CAB39L: variants seen among roughly 807,000 people sequenced by gnomAD.
CAB39L encodes calcium binding protein 39 like, also known as calcium-binding protein 39-like.
CAB39L carries 23 observed loss-of-function variants against 39.1 expected under a neutral mutation model. That is an observed-to-expected ratio of 0.59 (90% CI 0.42 to 0.83). The LOEUF is 0.83. Ranked by LOEUF, CAB39L falls within the 40% of genes least tolerant of loss-of-function variation. The probability of loss-of-function intolerance (pLI) is 0.00; values close to 1 mark genes in which losing one functional copy is unlikely to be tolerated. For missense variants in CAB39L, 366 were observed against 391.9 expected, an observed-to-expected ratio of 0.93 and a Z score of 0.56; for synonymous variants, 126 against 137.2, an observed-to-expected ratio of 0.92 and a Z score of 0.57.
intron 10 of CAB39L, among the ~76,000 whole-genome samples, chr13:49,328,278 C>T (rs546044078): frequency 7.9e-5 from 12 of 152,290 alleles, no homozygotes; most frequent in East Asian, 1.9e-4. Context: ...TGGACATTTT[C>T]GCCAATATGA....
intron 8 of CAB39L, among the ~76,000 whole-genome samples, chr13:49,340,178 G>A (rs1024541705): frequency 7.9e-5 from 12 of 152,180 alleles, no homozygotes; most frequent in Non-Finnish European, 1.5e-4. Context: ...TAAAGAACGA[G>A]GCAACCTTTG....
intron 1 of CAB39L, among the ~76,000 whole-genome samples, chr13:49,439,437 C>T (rs1957467914): frequency 1.3e-5 from 2 of 152,192 alleles, no homozygotes; most frequent in South Asian, 4.1e-4. Flanking sequence ...TTTTTCAACA[C>T]TTATTGCATT....
chr13:49,401,823 C>T (rs1035653391), intron 3 of CAB39L, among the ~76,000 whole-genome samples: 3 of 152,074 alleles, frequency 2.0e-5, no homozygotes, highest in African/African-American at 7.2e-5. Flanking sequence ...ATAACAGATT[C>T]ACCTGCTAAT....
At chr13:49,384,732 A>G (rs888771892) in intron 3 of CAB39L, among the ~76,000 whole-genome samples, 51 of 152,114 alleles carry the variant, frequency 3.4e-4, no homozygotes, top group African/African-American at 1.2e-3. Flanking sequence ...AACAACATTA[A>G]CCTCCTTGTA....
At chr13:49,341,416 C>T (rs1955001383) in intron 8 of CAB39L, among the ~76,000 whole-genome samples, 2 of 152,076 alleles carry the variant, frequency 1.3e-5, no homozygotes, top group African/African-American at 4.8e-5. Context: ...CCACATCTGG[C>T]TAATTTTTGT....
In CAB39L at chr13:49,372,671, T is replaced by C. The variant is rs145439239; in HGVS notation, c.276+4296A>G. 2.6e-4 allele frequency among the ~76,000 whole-genome samples: 39 copies of C among 152,274 alleles called. No homozygotes were observed. In the East Asian group the frequency reaches 7.0e-3, roughly 27 times the overall value. Reference sequence around the variant, plus strand: ...CTCAACTTGTTTTTTGTTGTTGTTTTTGTTTTTGTTTTGTTTGGAGATGGA... The same window carrying C: ...CTCAACTTGTTTTTTGTTGTTGTTTCTGTTTTTGTTTTGTTTGGAGATGGA... On this transcript the variant is annotated intron_variant, in intron 5 of 10. Transcript: ENST00000409308.
intron 3 of CAB39L, among the ~76,000 whole-genome samples, chr13:49,422,982 T>G (rs1333964651): frequency 2.6e-5 from 4 of 152,186 alleles, no homozygotes; most frequent in African/African-American, 4.8e-5. Context: ...TTTTACATTC[T>G]CAGTGTACAG....
chr13:49,419,181 T>C (rs1405407949), intron 3 of CAB39L, among the ~76,000 whole-genome samples: 2 of 152,178 alleles, frequency 1.3e-5, no homozygotes, highest in African/African-American at 4.8e-5. Context: ...TTAGCCAGGC[T>C]GGTCTCGAAC....
intron 3 of CAB39L, among the ~76,000 whole-genome samples, chr13:49,392,603 TG>T (rs1287858309): frequency 2.6e-5 from 4 of 152,010 alleles, no homozygotes; most frequent in Admixed American, 2.0e-4. Context: ...ATTGTACCAC[TG>T]TACTTCCAGC....
chr13:49,418,575 T>C (rs1957121364), intron 3 of CAB39L, among the ~76,000 whole-genome samples: 1 of 152,180 alleles, frequency 6.6e-6, no homozygotes, highest in Non-Finnish European at 1.5e-5. Context: ...ATTTTGTTTA[T>C]TTATTTTTTT....
intron 3 of CAB39L, among the ~76,000 whole-genome samples, chr13:49,387,969 T>C (rs1298577947): frequency 4.6e-5 from 7 of 152,292 alleles, no homozygotes; most frequent in South Asian, 2.1e-4. Context: ...GCACTTATAA[T>C]GTACTAGGCA....
intron 3 of CAB39L, among the ~76,000 whole-genome samples, chr13:49,432,117 C>T (rs188079393): frequency 2.4e-3 from 360 of 151,760 alleles, no homozygotes; most frequent in Middle Eastern, 0.01. Context: ...TTTTATAATC[C>T]CTATTTTATT....
At chr13:49,393,339 A>T (rs894796019) in intron 3 of CAB39L, among the ~76,000 whole-genome samples, 1 of 152,096 alleles carries the variant, frequency 6.6e-6, no homozygotes, top group Non-Finnish European at 1.5e-5. Flanking sequence ...TCTGTATTTT[A>T]AAAAACTACA....
At chr13:49,363,124 T>A (rs1366899716) in intron 5 of CAB39L, among the ~76,000 whole-genome samples, 1 of 152,106 alleles carries the variant, frequency 6.6e-6, no homozygotes, top group Non-Finnish European at 1.5e-5. Context: ...AAGAAAAGGA[T>A]GTTAATGAGC....
At chr13:49,323,798 C>T (rs1405136942) in intron 10 of CAB39L, among the ~76,000 whole-genome samples, 1 of 152,176 alleles carries the variant, frequency 6.6e-6, no homozygotes, top group Non-Finnish European at 1.5e-5. Context: ...AAATGAGTCC[C>T]TCCAGGTTAG....
intron 9 of CAB39L, among the ~76,000 whole-genome samples, chr13:49,335,880 T>C (rs1281491680): frequency 6.6e-6 from 1 of 152,188 alleles, no homozygotes; most frequent in Non-Finnish European, 1.5e-5. Flanking sequence ...AGGCAGCAGG[T>C]AGCAACTACT....
At chr13:49,358,918 C>G (rs1266712309) in intron 6 of CAB39L, among the ~76,000 whole-genome samples, 1 of 151,952 alleles carries the variant, frequency 6.6e-6, no homozygotes, top group Non-Finnish European at 1.5e-5. Context: ...ATTGATATAT[C>G]TGATTTTTAA....
chr13:49,419,894 C>T (rs1028434308), intron 3 of CAB39L, among the ~76,000 whole-genome samples: 1 of 152,086 alleles, frequency 6.6e-6, no homozygotes, highest in African/African-American at 2.4e-5. Flanking sequence ...CAAGCTATCT[C>T]TAAAATCCAG....
rs955187611 is a variant in CAB39L, at chr13:49,332,154, G to A, written c.691-64C>T. On this transcript the variant is annotated intron_variant, in intron 9 of 10. Coordinates refer to ENST00000409308, the MANE Select transcript of CAB39L (RefSeq NM_001079670.3). ...CCACCTGATTCAAAATATAGCTCAC[G>A]TCTTCTCACTGAAAAACAAAATATA... The A allele has an allele frequency of 2.1e-5, 33 of 1,553,830 alleles. No homozygotes were observed. The African/African-American group carries it at 2.8e-4, about 13-fold the overall frequency.
Sources: gnomAD v4.1 joint callset for allele counts (sites outside exome capture counted in the v4.1 genomes callset) on GRCh38, gnomAD v4.1.1 for gene constraint, MANE v1.5 for transcripts, NCBI Gene and HGNC (gene_info 2026-07-23, HGNC 2026-07-21) for gene names.